The following ERO1B variants were observed in gnomAD, a reference collection of about 807,000 sequenced individuals.
ERO1B encodes the protein endoplasmic reticulum oxidoreductase 1 beta, also known as ERO1-like protein beta.
In ERO1B, 49 loss-of-function variants were observed where a neutral mutation model predicts 75.3. The ratio of observed to expected loss-of-function variants is 0.65; its 90% CI spans 0.52 to 0.83. The LOEUF (loss-of-function observed/expected upper bound fraction) is 0.83. Among genes scored for constraint, ERO1B ranks in the 40% least tolerant of loss-of-function variants. ERO1B has a pLI of 0.00. For synonymous variants in ERO1B, 191 were observed against 192.9 expected, an observed-to-expected ratio of 0.99 and a Z score of 0.08; for missense variants, 512 against 560.1, an observed-to-expected ratio of 0.91 and a Z score of 0.87.
At chr1:236,247,610 C>G (rs945944211) in intron 5 of ERO1B, among the ~76,000 whole-genome samples, 1 of 152,126 alleles carries the variant, frequency 6.6e-6, no homozygotes, top group Non-Finnish European at 1.5e-5. Context: ...CTCCTCTGTT[C>G]AAAACCTCCC....
chr1:236,248,257 G>A (rs1464282207), intron 5 of ERO1B, among the ~76,000 whole-genome samples: 2 of 152,078 alleles, frequency 1.3e-5, no homozygotes, highest in Non-Finnish European at 2.9e-5. Flanking sequence ...TAAAAACAAG[G>A]TACTATTTCA....
intron 2 of ERO1B, among the ~76,000 whole-genome samples, chr1:236,266,861 G>A (rs531315107): frequency 3.3e-5 from 5 of 152,294 alleles, no homozygotes; most frequent in African/African-American, 1.2e-4. Context: ...GTATGAGCAT[G>A]TTTTGGTTTC....
Position 236,281,765 on chromosome 1 carries a change from G to T in ERO1B, c.19C>A (p.Arg7=). The T allele has an allele frequency of 6.6e-7, 1 of 1,515,312 alleles. No individual in the cohort carries two copies. The highest frequency in any genetic ancestry group is 1.2e-5 in the South Asian group (1 of 81,302). The allele number at this position is 1,515,312 out of a possible 1,614,324, so 93.9% of individuals were successfully genotyped here. ...GCTACCCCCTGCCCAGCGCCTGCCC[G>T]GCGGACCCCTTGGCTCATGCTGACC... MSQGVR[R]AGAGQGVAAA... Residue 7 remains arginine (R), a synonymous_variant, in exon 1 of 16, where the codon CGG becomes AGG. Transcript: ENST00000354619.
At chr1:236,240,036 C>T (rs1010108750) in intron 6 of ERO1B, among the ~76,000 whole-genome samples, 1 of 150,968 alleles carries the variant, frequency 6.6e-6, no homozygotes, top group Non-Finnish European at 1.5e-5. Flanking sequence ...TCCCATGTAG[C>T]TGGGACTACA....
At chr1:236,250,762 G>C (rs530748161) in intron 4 of ERO1B, among the ~76,000 whole-genome samples, 1 of 151,160 alleles carries the variant, frequency 6.6e-6, no homozygotes, top group South Asian at 2.1e-4. Context: ...ACACACGTTT[G>C]CAAAATGCTT....
At chr1:236,235,932 C>T (rs1572039178) in intron 7 of ERO1B, 97 bp from the exon 8 acceptor site, 9 of 926,556 alleles carry the variant, frequency 9.7e-6, no homozygotes, top group African/African-American at 3.5e-5. Context: ...TCCCCACCCT[C>T]TTTTTTTTTT....
chr1:236,218,516 T>G lies in ERO1B; in HGVS notation c.1404A>C (p.Ter468TyrextTer1), dbSNP rs781199760. 1 of 1,439,358 alleles carries G rather than the reference T, an allele frequency of 6.9e-7. No homozygotes were observed. The highest frequency in any genetic ancestry group is 9.2e-7 in the Non-Finnish European group (1 of 1,091,140). The allele number at this position is 1,439,358 out of a possible 1,614,324, so 89.2% of individuals were successfully genotyped here. Residue 468 changes from the stop codon to tyrosine (Y), a stop_lost, in exon 16 of 16, where the codon TAA (stop) becomes TAC (tyrosine). Coordinates refer to ENST00000354619, the MANE Select transcript of ERO1B (RefSeq NM_019891.4). ...CTAGTTAGACACATAAAAGCCTTTA[T>G]TACCTACTGTGTTGTAATAAGACTT... Reference protein sequence around the residue: ...NFKVLLQHSR* With the variant: ...NFKVLLQHSRY
At chr1:236,229,912 G>A (rs940760469) in intron 10 of ERO1B, among the ~76,000 whole-genome samples, 1 of 151,980 alleles carries the variant, frequency 6.6e-6, no homozygotes, top group South Asian at 2.1e-4. Flanking sequence ...AAAATATTTT[G>A]CATACTCGTT....
Position 236,233,601 on chromosome 1 carries a change from A to G in ERO1B, c.674-762T>C, listed in dbSNP as rs143282295. On this transcript the variant is annotated intron_variant, in intron 8 of 15. Transcript: ENST00000354619. ...TGACAGAGTGCGACTCTGTCTCAAG[A>G]AAAAAAAAAAAAGATTTGCACATTT... Among the ~76,000 whole-genome samples, 949 of 126,270 alleles carry G rather than the reference A, an allele frequency of 7.5e-3. 8 individuals carry two copies. Among genetic ancestry groups the G allele is most frequent in the African/African-American group, 0.028 (908 of 32,046 alleles). 82.8% of individuals were successfully genotyped at this position (126,270 alleles called of 152,430 possible). A position where few individuals can be genotyped will look rare whatever the true frequency, so the allele number is the denominator to read the frequency against.
chr1:236,244,070 A>G (rs1664776973), intron 5 of ERO1B, among the ~76,000 whole-genome samples: 2 of 152,188 alleles, frequency 1.3e-5, no homozygotes, highest in African/African-American at 2.4e-5. Context: ...TGAAGAACTG[A>G]TAAGTAACAA....
chr1:236,221,872 T>A (rs1042242694), intron 14 of ERO1B, 52 bp downstream of exon 14: 15 of 1,367,206 alleles, frequency 1.1e-5, no homozygotes, highest in Admixed American at 1.8e-5. Flanking sequence ...TTGGACTCAG[T>A]GGAAAAAATA....
intron 1 of ERO1B, among the ~76,000 whole-genome samples, chr1:236,279,296 A>G (rs1483500442): frequency 6.6e-6 from 1 of 151,134 alleles, no homozygotes; most frequent in Non-Finnish European, 1.5e-5. Context: ...TATGGTCAGG[A>G]GTTCGAGACC....
intron 5 of ERO1B, among the ~76,000 whole-genome samples, chr1:236,247,375 CT>C (rs1385885574): frequency 6.6e-6 from 1 of 152,158 alleles, no homozygotes; most frequent in Non-Finnish European, 1.5e-5. Context: ...AATTCCAAAT[CT>C]TGTAGTCATC....
intron 5 of ERO1B, among the ~76,000 whole-genome samples, chr1:236,248,224 A>T (rs372335566): frequency 6.6e-6 from 1 of 152,134 alleles, no homozygotes; most frequent in African/African-American, 2.4e-5. Context: ...GCTCAAATCC[A>T]CTAGTAATTA....
At chr1:236,256,226 C>T (rs997772593) in intron 2 of ERO1B, among the ~76,000 whole-genome samples, 1 of 152,132 alleles carries the variant, frequency 6.6e-6, no homozygotes, top group African/African-American at 2.4e-5. Context: ...TTTCTGCAAC[C>T]TCTCATTAGA....
At chr1:236,248,848 A>G (rs2102954430) in intron 5 of ERO1B, among the ~76,000 whole-genome samples, 1 of 152,254 alleles carries the variant, frequency 6.6e-6, no homozygotes, top group South Asian at 2.1e-4. Flanking sequence ...TCCTTAAAAC[A>G]TATGGCAAAA....
intron 10 of ERO1B, among the ~76,000 whole-genome samples, chr1:236,229,627 T>A (rs151334322): frequency 7.4e-4 from 112 of 152,272 alleles, no homozygotes; most frequent in African/African-American, 2.4e-3. Context: ...AGGTAAATTT[T>A]TAAAAGCATC....
chr1:236,227,608 GTTT>G (rs933491629), intron 10 of ERO1B, among the ~76,000 whole-genome samples: 13 of 152,254 alleles, frequency 8.5e-5, no homozygotes, highest in African/African-American at 2.9e-4. Flanking sequence ...CATCCAACAG[GTTT>G]TTAACACTTT....
chr1:236,278,468 G>C (rs1412748923), intron 1 of ERO1B, among the ~76,000 whole-genome samples: 1 of 151,954 alleles, frequency 6.6e-6, no homozygotes, highest in East Asian at 1.9e-4. Context: ...GGGCAGACAC[G>C]GGGTTATTTC....
Sources: gnomAD v4.1 joint callset for allele counts (sites outside exome capture counted in the v4.1 genomes callset) on GRCh38, gnomAD v4.1.1 for gene constraint, MANE v1.5 for transcripts, NCBI Gene and HGNC (gene_info 2026-07-23, HGNC 2026-07-21) for gene names.